The following BBX variants were observed in gnomAD, a reference collection of about 807,000 sequenced individuals.
BBX encodes the protein BBX high mobility group box domain containing.
BBX carries 30 observed loss-of-function variants against 100.2 expected under a neutral mutation model. That is an observed-to-expected ratio of 0.30 (90% CI 0.22 to 0.41). The LOEUF (loss-of-function observed/expected upper bound fraction) is 0.41. Among genes scored for constraint, BBX ranks in the 10% least tolerant of loss-of-function variants. The probability of loss-of-function intolerance (pLI) is 1.00; values close to 1 mark genes in which losing one functional copy is unlikely to be tolerated. For missense variants in BBX, 1,023 were observed against 1,129.8 expected (o/e 0.91, Z 1.35); for synonymous variants, 376 against 388.1 (o/e 0.97, Z 0.37).
intron 10 of BBX, among the ~76,000 whole-genome samples, chr3:107,765,550 G>A (rs1465982108): frequency 1.3e-5 from 2 of 152,062 alleles, no homozygotes; most frequent in Non-Finnish European, 2.9e-5. Context: ...GTCCTCAAGC[G>A]ATCCTCTTGC....
At chr3:107,679,630 A>G (rs922170416) in intron 3 of BBX, among the ~76,000 whole-genome samples, 4 of 152,208 alleles carry the variant, frequency 2.6e-5, no homozygotes, top group East Asian at 1.9e-4. Flanking sequence ...GGATTCTGTT[A>G]AAGTGCTTGC....
intron 3 of BBX, among the ~76,000 whole-genome samples, chr3:107,673,064 C>G (rs1160546110): frequency 6.6e-6 from 1 of 151,924 alleles, no homozygotes; most frequent in Non-Finnish European, 1.5e-5. Flanking sequence ...TGGATAATCT[C>G]TGAAGTATGT....
chr3:107,779,893 C>T (rs2067694412), intron 13 of BBX, among the ~76,000 whole-genome samples: 1 of 151,976 alleles, frequency 6.6e-6, no homozygotes, highest in Non-Finnish European at 1.5e-5. Flanking sequence ...TGATTAAAGC[C>T]AGGGAGGTAT....
chr3:107,760,577 G>T (rs955048768), intron 10 of BBX, among the ~76,000 whole-genome samples: 3 of 152,206 alleles, frequency 2.0e-5, no homozygotes, highest in African/African-American at 7.2e-5. Flanking sequence ...AAGAGTGCAA[G>T]TGATTTAATA....
intron 9 of BBX, among the ~76,000 whole-genome samples, chr3:107,751,361 CAG>C (rs1304231072): frequency 2.6e-5 from 4 of 152,258 alleles, no homozygotes; most frequent in Non-Finnish European, 5.9e-5. Flanking sequence ...GCAAAATTCT[CAG>C]AAACTATTTC....
intron 5 of BBX, among the ~76,000 whole-genome samples, 191 bp from the exon 6 acceptor site, chr3:107,728,574 G>A (rs577863088): frequency 6.6e-6 from 1 of 152,142 alleles, no homozygotes; most frequent in Admixed American, 6.6e-5. Flanking sequence ...CCCACAAATG[G>A]ATTAGATAAC....
chr3:107,703,672 T>G (rs904623167), intron 3 of BBX, among the ~76,000 whole-genome samples: 20 of 152,224 alleles, frequency 1.3e-4, no homozygotes, highest in African/African-American at 4.6e-4. Flanking sequence ...AGACACTTTT[T>G]GCATGACTAG....
intron 3 of BBX, among the ~76,000 whole-genome samples, chr3:107,692,428 G>C (rs576412976): frequency 8.6e-5 from 13 of 150,554 alleles, no homozygotes; most frequent in African/African-American, 2.9e-4. Context: ...TCCCACCTAT[G>C]AGTGAGAACA....
At chr3:107,541,088 C>T (rs1015521686) in intron 2 of BBX, among the ~76,000 whole-genome samples, 1 of 152,154 alleles carries the variant, frequency 6.6e-6, no homozygotes, top group Non-Finnish European at 1.5e-5. Flanking sequence ...CTTGTTATTG[C>T]AACTTAGACT....
chr3:107,801,095 A>G lies in BBX; in HGVS notation c.2552A>G (p.Asp851Gly). The G allele has an allele frequency of 6.2e-7, 1 of 1,613,820 alleles. No homozygotes were observed. Residue 851 changes from aspartate to glycine, a missense_variant and splice_region_variant, in exon 17 of 18, where the codon GAT (aspartate) becomes GGT (glycine). Physicochemically the swap from Asp to Gly is moderately conservative, Grantham distance 94. Coordinates refer to ENST00000325805, the MANE Select transcript of BBX (RefSeq NM_001142568.3). ...ATGATGGATTTCTCTTTTGTTACAGATGACAAACCAAAGGAACAACTGCAG... is the reference window on the plus strand; with the variant it reads ...ATGATGGATTTCTCTTTTGTTACAGGTGACAAACCAAAGGAACAACTGCAG... ...GRVSPAGGTL[D>G]DKPKEQLQRS...
intron 13 of BBX, among the ~76,000 whole-genome samples, chr3:107,782,186 G>A (rs6777401): frequency 1.3e-3 from 201 of 152,202 alleles, no homozygotes; most frequent in African/African-American, 4.7e-3. Context: ...CCAGCCCAAT[G>A]AAGTGGCTCC....
At chr3:107,717,913 A>T (rs889058138) in intron 5 of BBX, among the ~76,000 whole-genome samples, 1 of 151,996 alleles carries the variant, frequency 6.6e-6, no homozygotes, top group African/African-American at 2.4e-5. Flanking sequence ...TGTCACCCAA[A>T]CACTTGGTTA....
At chr3:107,663,444 T>C (rs35957842) in intron 3 of BBX, among the ~76,000 whole-genome samples, 48,789 of 151,948 alleles carry the variant, frequency 0.32, 8,386 homozygotes, top group African/African-American at 0.44. Context: ...AATAGAACAT[T>C]ACCAGTTTCT....
chr3:107,743,112 G>A (rs944104713), intron 7 of BBX, among the ~76,000 whole-genome samples: 1 of 151,998 alleles, frequency 6.6e-6, no homozygotes, highest in African/African-American at 2.4e-5. Context: ...ATAGATTTCT[G>A]TCTTATGCAC....
At chr3:107,636,742 T>C (rs963121058) in intron 2 of BBX, among the ~76,000 whole-genome samples, 3 of 152,228 alleles carry the variant, frequency 2.0e-5, no homozygotes, top group Non-Finnish European at 2.9e-5. Flanking sequence ...TTTGCTATTT[T>C]GAATTGGCTT....
At chr3:107,581,247 T>A (rs998540624) in intron 2 of BBX, among the ~76,000 whole-genome samples, 7 of 151,970 alleles carry the variant, frequency 4.6e-5, no homozygotes, top group Admixed American at 4.6e-4. Context: ...ATTATACACT[T>A]ATATATATAT....
chr3:107,778,699 C>T (rs895928298), intron 13 of BBX, among the ~76,000 whole-genome samples, 180 bp downstream of exon 13: 9 of 151,980 alleles, frequency 5.9e-5, no homozygotes, highest in African/African-American at 2.2e-4. Flanking sequence ...TTTTCTGTAG[C>T]CTCTGTCCAT....
intron 2 of BBX, among the ~76,000 whole-genome samples, chr3:107,619,869 G>C (rs1490692666): frequency 6.6e-6 from 1 of 152,096 alleles, no homozygotes; most frequent in Non-Finnish European, 1.5e-5. Context: ...AGATTTGAGA[G>C]GGAGGGGAGA....
chr3:107,659,626 A>C, intron 3 of BBX: 1 of 726,252 alleles, frequency 1.4e-6, no homozygotes, highest in Non-Finnish European at 2.0e-6. Context: ...GCTGCTAATA[A>C]GTGGCAAAGC....
Sources: allele counts gnomAD v4.1 joint callset (sites outside exome capture counted in the v4.1 genomes callset), GRCh38; gene constraint gnomAD v4.1.1; transcripts MANE v1.5; gene names NCBI Gene and HGNC (gene_info 2026-07-23, HGNC 2026-07-21).